PTPN22: variants seen among roughly 807,000 people sequenced by gnomAD.
PTPN22 encodes protein tyrosine phosphatase non-receptor type 22.
Under a neutral mutation model 103.3 loss-of-function variants are expected in PTPN22, and 85 were observed. The ratio of observed to expected loss-of-function variants is 0.82; its 90% CI spans 0.69 to 0.99. The LOEUF is 0.99. Ranked by LOEUF, PTPN22 falls within the 50% of genes least tolerant of loss-of-function variation. PTPN22 has a pLI of 0.00. For synonymous variants in PTPN22, 323 were observed against 310.2 expected, an observed-to-expected ratio of 1.04 and a Z score of -0.43; for missense variants, 865 against 936.9, an observed-to-expected ratio of 0.92 and a Z score of 1.00.
chr1:113,864,925 A>AAC lies in PTPN22; in HGVS notation c.88-5466_88-5465insGT, dbSNP rs1553253937. Among the ~76,000 whole-genome samples, 49 of 150,306 alleles carry AAC rather than the reference A, an allele frequency of 3.3e-4. 1 individual carries two copies. The highest frequency in any genetic ancestry group is 3.9e-4 in the East Asian group (2 of 5,128). On this transcript the variant is annotated intron_variant, in intron 1 of 20. Coordinates refer to ENST00000359785, the Ensembl canonical transcript of PTPN22. ...AGACTCCGTCTCAAAAAAAAAAAAAAAAAATTACCAAATGTTATCTAGGTA... is the reference window on the plus strand; with the variant it reads ...AGACTCCGTCTCAAAAAAAAAAAAAAACAAAATTACCAAATGTTATCTAGGTA...
At chr1:113,832,731 C>T (rs1158739411) in intron 16 of PTPN22, among the ~76,000 whole-genome samples, 1 of 152,164 alleles carries the variant, frequency 6.6e-6, no homozygotes, top group Non-Finnish European at 1.5e-5. Context: ...ATGCATGAAA[C>T]AGGCAAAGCT....
intron 16 of PTPN22, among the ~76,000 whole-genome samples, chr1:113,831,481 G>A (rs925752037): frequency 1.3e-5 from 2 of 151,870 alleles, no homozygotes; most frequent in African/African-American, 4.8e-5. Flanking sequence ...CATGTGACTA[G>A]CTTTTTTAAG....
At chr1:113,817,972 A>T (rs1485356475) in intron 20 of PTPN22, among the ~76,000 whole-genome samples, 12 of 147,056 alleles carry the variant, frequency 8.2e-5, no homozygotes, top group Non-Finnish European at 1.6e-4. Context: ...TTTTTTTTTT[A>T]AATGAGATGG....
At chr1:113,848,850 C>T (rs1222949389) in intron 10 of PTPN22, among the ~76,000 whole-genome samples, 1 of 152,164 alleles carries the variant, frequency 6.6e-6, no homozygotes, top group Non-Finnish European at 1.5e-5. Flanking sequence ...ATATTTGATA[C>T]ACCTCTAACT....
intron 7 of PTPN22, 135 bp from the exon 8 acceptor site, chr1:113,855,184 G>T: frequency 1.4e-6 from 1 of 725,456 alleles, no homozygotes; most frequent in Non-Finnish European, 2.2e-6. Context: ...TTACGCCCTT[G>T]TGTCTTATAT....
chr1:113,847,097 C>T (rs1664147689), intron 11 of PTPN22, among the ~76,000 whole-genome samples: 1 of 121,510 alleles, frequency 8.2e-6, no homozygotes, highest in Admixed American at 9.9e-5. Context: ...TTCTATTGTT[C>T]TACTTTTCAA....
chr1:113,825,947 T>C (rs1298363613), intron 18 of PTPN22, among the ~76,000 whole-genome samples: 3 of 152,104 alleles, frequency 2.0e-5, no homozygotes, highest in Non-Finnish European at 4.4e-5. Flanking sequence ...ACTCCTGACC[T>C]TGTGACCTAC....
Position 113,823,478 on chromosome 1 carries a change from C to T in PTPN22, c.2281+1664G>A, listed in dbSNP as rs147633522. The T allele has an allele frequency of 1.1e-3, 165 of 152,290 alleles. 1 individual carries two copies. Among genetic ancestry groups the T allele is most frequent in the African/African-American group, 2.9e-3 (122 of 41,560 alleles). 9.4% of individuals were successfully genotyped at this position (152,290 alleles called of 1,614,324 possible). On this transcript the variant is annotated intron_variant, in intron 19 of 20. Transcript: ENST00000359785. ...TGGGAGCCAGATGTTCTTCATTTAA[C>T]GGCAAAAGACCAGAGGATCAAGGTA... is the stretch of plus-strand genomic sequence containing the variant.
rs556455443 is a variant in PTPN22, at chr1:113,827,832, T to C, written c.2250+1760A>G. On this transcript the variant is annotated intron_variant, in intron 18 of 20. Coordinates refer to ENST00000359785, the Ensembl canonical transcript of PTPN22. ...CCCCATCTCTAATTTAAAAAAAAAA[T>C]TGTAAAAAGAAGTTGTACCACTTGA... 1.5e-3 allele frequency among the ~76,000 whole-genome samples: 229 copies of C among 151,538 alleles called. 3 individuals are homozygous for C. The highest frequency in any genetic ancestry group is 2.5e-4 in the Non-Finnish European group (17 of 67,978).
At chr1:113,869,801 T>C (rs540790593) in intron 1 of PTPN22, among the ~76,000 whole-genome samples, 3 of 152,288 alleles carry the variant, frequency 2.0e-5, no homozygotes, top group South Asian at 2.1e-4. Flanking sequence ...TTAGGAATTA[T>C]AGTCCAGGGG....
intron 1 of PTPN22, 64 bp downstream of exon 1, chr1:113,871,473 G>A: frequency 7.4e-7 from 1 of 1,352,486 alleles, no homozygotes; most frequent in Non-Finnish European, 1.0e-6. Context: ...TCGGAAAATT[G>A]GACCCCCATA....
At chr1:113,839,979 A>G (rs755562800) in intron 11 of PTPN22, among the ~76,000 whole-genome samples, 26 of 152,262 alleles carry the variant, frequency 1.7e-4, no homozygotes, top group Non-Finnish European at 3.2e-4. Flanking sequence ...TGGGAGGCCA[A>G]GGTGAGTGGA....
At chr1:113,854,973 A>C (rs61738614) in exon 8 of PTPN22, 9 of 1,608,646 alleles carry the variant, frequency 5.6e-6, no homozygotes, top group Non-Finnish European at 7.7e-6. Flanking sequence ...GATGAGCTCA[A>C]GAATAGGGTC....
At chr1:113,835,239 C>G (rs527565755) in intron 13 of PTPN22, among the ~76,000 whole-genome samples, 72 of 152,290 alleles carry the variant, frequency 4.7e-4, no homozygotes, top group Admixed American at 2.0e-3. Flanking sequence ...AAAAGTAGGG[C>G]TGGGCGCGGT....
chr1:113,827,646 A>G (rs1662204213), intron 18 of PTPN22, among the ~76,000 whole-genome samples: 1 of 152,174 alleles, frequency 6.6e-6, no homozygotes, highest in South Asian at 2.1e-4. Context: ...TACTTGGTAT[A>G]CATGTCATTT....
chr1:113,861,500 G>A (rs1466044712), intron 1 of PTPN22, among the ~76,000 whole-genome samples: 4 of 151,764 alleles, frequency 2.6e-5, no homozygotes, highest in African/African-American at 7.3e-5. Context: ...TTGGCCTCCC[G>A]AAGTGGTGGG....
intron 1 of PTPN22, among the ~76,000 whole-genome samples, chr1:113,861,976 T>C (rs978693469): frequency 1.3e-5 from 2 of 152,018 alleles, no homozygotes; most frequent in Admixed American, 6.6e-5. Context: ...AGGGGAATAG[T>C]TGCCAAGAGG....
chr1:113,853,594 C>A (rs985824154), intron 9 of PTPN22, among the ~76,000 whole-genome samples: 2 of 152,108 alleles, frequency 1.3e-5, no homozygotes, highest in East Asian at 3.9e-4. Flanking sequence ...AGGTGATCAG[C>A]CTGCCTCGGC....
At chr1:113,844,484 C>G (rs962512980) in intron 11 of PTPN22, among the ~76,000 whole-genome samples, 7 of 152,110 alleles carry the variant, frequency 4.6e-5, no homozygotes, top group African/African-American at 1.7e-4. Flanking sequence ...AAAACCAATT[C>G]TGATTTTTCT....
Sources: gnomAD v4.1 joint callset for allele counts (sites outside exome capture counted in the v4.1 genomes callset) on GRCh38, gnomAD v4.1.1 for gene constraint, MANE v1.5 for transcripts, NCBI Gene and HGNC (gene_info 2026-07-23, HGNC 2026-07-21) for gene names.